ZNF43: variants seen among roughly 807,000 people sequenced by gnomAD.
ZNF43 encodes zinc finger protein 39-like 1 (KOX 27).
A neutral mutation model predicts 68.4 loss-of-function variants in ZNF43; 44 were observed. That is an observed-to-expected ratio of 0.64 (90% CI 0.51 to 0.83). The LOEUF (loss-of-function observed/expected upper bound fraction) is 0.83, where lower values mean the gene tolerates loss of function less well. ZNF43 is among the 40% of genes least tolerant of loss of function. The pLI is 0.00. For missense variants in ZNF43, 896 were observed against 933.2 expected (o/e 0.96, Z 0.52); for synonymous variants, 308 against 307.8 (o/e 1.00, Z -0.01).
chr19:21,841,297 CA>C (rs1967516141), intron 1 of ZNF43: 2 of 152,294 alleles, frequency 1.3e-5, no homozygotes, highest in African/African-American at 4.8e-5. Flanking sequence ...GGGAGAGTAA[CA>C]TCACCTGCAT....
At chr19:21,819,041 C>A (rs1264754402) in intron 2 of ZNF43, 54 bp downstream of exon 2, 4 of 1,561,078 alleles carry the variant, frequency 2.6e-6, no homozygotes, top group East Asian at 4.7e-5. Flanking sequence ...CTACAGAAAA[C>A]AAAAATGAAA....
chr19:21,817,241 C>G (rs946510382), intron 3 of ZNF43, among the ~76,000 whole-genome samples: 5 of 148,342 alleles, frequency 3.4e-5, no homozygotes, highest in Admixed American at 6.7e-5. Flanking sequence ...AAAAAAAAGC[C>G]ACGGTATCCA....
chr19:21,845,659 C>T (rs1420888100), intron 1 of ZNF43, among the ~76,000 whole-genome samples: 2 of 151,878 alleles, frequency 1.3e-5, no homozygotes, highest in South Asian at 4.2e-4. Context: ...TTTGGGAGGC[C>T]GAGGCGGGCA....
rs775251261 is a variant in ZNF43, at chr19:21,807,617, T to G, written c.2420A>C (p.Asn807Thr). 1.3e-6 allele frequency: 2 copies of G among 1,538,124 alleles called. No homozygotes were observed. The highest frequency in any genetic ancestry group is 1.7e-6 in the Non-Finnish European group (2 of 1,146,602). Residue 807 changes from asparagine to threonine, a missense_variant, in exon 4 of 4, where the codon AAC (asparagine) becomes ACC (threonine). Asn to Thr is a moderately conservative substitution (Grantham distance 65). Transcript: ENST00000354959. ...VILTTPQTFS[N>T]IK ...TCTCACCAGTATAATTTATTTTATG[T>G]TTGAAAAAGTTTGAGGTGTTGTCAA...
upstream of ZNF43, chr19:21,840,613 C>T (rs530733036): frequency 6.6e-6 from 1 of 152,284 alleles, no homozygotes; most frequent in East Asian, 1.9e-4. Flanking sequence ...TTCCAACCAC[C>T]TCCAGGTGTG....
At position 21,809,684 on chromosome 19, in the gene ZNF43, T is replaced by C. The variant is rs373860338; in HGVS notation, c.353A>G (p.His118Arg). ...EHKNVHLKKDHKSVDECKVHR... is the reference protein window; with the variant it reads ...EHKNVHLKKDRKSVDECKVHR... The stretch of plus-strand genomic sequence containing the variant: ...CACCTTACACTCATCCACACTTTTA[T>C]GGTCTTTTTTTAAATGTACATTTTT... The change falls in exon 4 of 4, where the codon CAT becomes CGT. Residue 118 changes from histidine to arginine, a missense_variant. Coordinates refer to ENST00000354959, the MANE Select transcript of ZNF43 (RefSeq NM_003423.4). The C allele has an allele frequency of 1.3e-4, 217 of 1,613,512 alleles. No homozygotes were observed. Among genetic ancestry groups the C allele is most frequent in the Admixed American group, 1.8e-4 (11 of 59,878 alleles).
Position 21,819,084 on chromosome 19 carries a change from G to C in ZNF43, c.130+11C>G. ...GGTATATTAGGAATTGAGTATTGAA[G>C]TTATGCTCACCCAGGAAGACCAGGT... On this transcript the variant is annotated intron_variant, in intron 2 of 3. Coordinates refer to ENST00000354959, the MANE Select transcript of ZNF43 (RefSeq NM_003423.4). 6.2e-7 allele frequency: 1 copy of C among 1,605,060 alleles called. No individual in the cohort carries two copies. Among genetic ancestry groups the C allele is most frequent in the Non-Finnish European group, 8.5e-7 (1 of 1,176,856 alleles).
intron 1 of ZNF43, among the ~76,000 whole-genome samples, chr19:21,848,599 C>A (rs1968122786): frequency 6.6e-6 from 1 of 152,164 alleles, no homozygotes; most frequent in Non-Finnish European, 1.5e-5. Context: ...AGAGTCATAT[C>A]ACCTAGGTGC....
chr19:21,808,194 T>G lies in ZNF43; in HGVS notation c.1843A>C (p.Ile615Leu). 1 of 1,613,182 alleles carries G rather than the reference T, an allele frequency of 6.2e-7. No homozygotes were observed. Among genetic ancestry groups the G allele is most frequent in the South Asian group, 1.1e-5 (1 of 90,982 alleles). Residue 615 changes from isoleucine to leucine, a missense_variant, in exon 4 of 4, where the codon ATT (isoleucine) becomes CTT (leucine). Coordinates refer to ENST00000354959, the MANE Select transcript of ZNF43 (RefSeq NM_003423.4). Reference protein sequence around the residue: ...QSSNLTTHKKIHTGGKPYKCE... With the variant: ...QSSNLTTHKKLHTGGKPYKCE... ...TTGTAGGGTTTTCCTCCAGTATGAA[T>G]TTTTTTATGTGTAGTAAGGTTTGAA... is the stretch of plus-strand genomic sequence containing the variant.
At chr19:21,835,099 A>T (rs1035495097) in intron 1 of ZNF43, among the ~76,000 whole-genome samples, 12 of 150,424 alleles carry the variant, frequency 8.0e-5, no homozygotes, top group Non-Finnish European at 1.6e-4. Context: ...TACAAAAAAA[A>T]TTAGCTGGGT....
chr19:21,844,294 A>C (rs538085767), intron 1 of ZNF43, among the ~76,000 whole-genome samples: 30 of 143,420 alleles, frequency 2.1e-4, no homozygotes, highest in African/African-American at 7.6e-4. Flanking sequence ...GGTTGCAGTA[A>C]GGTGAGCTCG....
At chr19:21,838,451 G>A (rs1053832289), upstream of ZNF43, among the ~76,000 whole-genome samples, 1 of 149,818 alleles carries the variant, frequency 6.7e-6, no homozygotes, top group Non-Finnish European at 1.5e-5. Flanking sequence ...CCAGGCTGGA[G>A]TGCAGTGGTG....
chr19:21,807,696 T>C lies in ZNF43; in HGVS notation c.2341A>G (p.Asn781Asp). The C allele has an allele frequency of 6.2e-7, 1 of 1,611,958 alleles. No individual in the cohort carries two copies. Among genetic ancestry groups the C allele is most frequent in the South Asian group, 1.1e-5 (1 of 90,706 alleles). ...FNQYSNLTTH[N>D]KIHTGEKLYK... ...AGTTTCTCTCCAGTATGAATTTTGT[T>C]ATGTGTAGTAAGGTTTGAATATTGG... is the stretch of plus-strand genomic sequence containing the variant. Residue 781 changes from asparagine to aspartate, a missense_variant, in exon 4 of 4, where the codon AAC (asparagine) becomes GAC (aspartate). Physicochemically the swap from Asn to Asp is conservative, Grantham distance 23. Transcript: ENST00000354959.
At chr19:21,846,809 G>A (rs1447656335) in intron 1 of ZNF43, among the ~76,000 whole-genome samples, 2 of 152,160 alleles carry the variant, frequency 1.3e-5, no homozygotes, top group Non-Finnish European at 2.9e-5. Context: ...ATTTCAAAAT[G>A]CCACCCCTAG....
chr19:21,811,559 A>C (rs2037274837), intron 3 of ZNF43, among the ~76,000 whole-genome samples: 1 of 151,798 alleles, frequency 6.6e-6, no homozygotes, highest in South Asian at 2.1e-4. Context: ...AAAAAAAAAA[A>C]CTATAGCCAA....
In ZNF43 at chr19:21,848,861, C is replaced by T. The variant is rs368177529; in HGVS notation, c.30+3044G>A. 2.7e-3 allele frequency among the ~76,000 whole-genome samples: 382 copies of T among 141,532 alleles called. 4 individuals are homozygous for T. Among genetic ancestry groups the T allele is most frequent in the South Asian group, 8.4e-3 (37 of 4,396 alleles). The allele number at this position is 141,532 out of a possible 152,430, so 92.9% of individuals were successfully genotyped here. A position where few individuals can be genotyped will look rare whatever the true frequency, so the allele number is the denominator to read the frequency against. On this transcript the variant is annotated intron_variant, in intron 1 of 3. Transcript: ENST00000357491. ...CTCCATCTCTCTTGTGAGCTGTGTT[C>T]GCTCTGGCCCTCAGCCCAGGTATGA...
rs778294875 is a variant in ZNF43, at chr19:21,807,678, C to G, written c.2359G>C (p.Glu787Gln). The G allele has an allele frequency of 6.2e-7, 1 of 1,605,980 alleles. No individual in the cohort carries two copies. Among genetic ancestry groups the G allele is most frequent in the South Asian group, 1.1e-5 (1 of 89,916 alleles). ...ACATCTTCAGGTTTGTAGAGTTTCT[C>G]TCCAGTATGAATTTTGTTATGTGTA... is the stretch of plus-strand genomic sequence containing the variant. ...LTTHNKIHTG[E>Q]KLYKPEDVTV... Residue 787 changes from glutamate to glutamine, a missense_variant, in exon 4 of 4, where the codon GAG becomes CAG. Glu to Gln is a conservative substitution (Grantham distance 29). Coordinates refer to ENST00000354959, the MANE Select transcript of ZNF43 (RefSeq NM_003423.4).
At chr19:21,845,167 T>C (rs954918396) in intron 1 of ZNF43, among the ~76,000 whole-genome samples, 3 of 151,754 alleles carry the variant, frequency 2.0e-5, no homozygotes, top group African/African-American at 7.3e-5. Flanking sequence ...CAACAATATG[T>C]TACAGTGCTC....
intron 3 of ZNF43, among the ~76,000 whole-genome samples, chr19:21,816,804 C>CAAA (rs977805116): frequency 1.4e-4 from 22 of 152,150 alleles, no homozygotes; most frequent in Non-Finnish European, 3.1e-4. Context: ...GACCCGACTG[C>CAAA]AAAAAACTGC....
Sources: allele counts gnomAD v4.1 joint callset (sites outside exome capture counted in the v4.1 genomes callset), GRCh38; gene constraint gnomAD v4.1.1; transcripts MANE v1.5; gene names NCBI Gene and HGNC (gene_info 2026-07-23, HGNC 2026-07-21).